Variants in MAP2K6 observed in about 807,000 individuals in gnomAD.
The protein encoded by MAP2K6 is dual specificity mitogen-activated protein kinase kinase 6.
In MAP2K6, 16 loss-of-function variants were observed where a neutral mutation model predicts 53.7. The ratio of observed to expected loss-of-function variants is 0.30; its 90% CI spans 0.20 to 0.45. The LOEUF (loss-of-function observed/expected upper bound fraction) is 0.45. Ranked by LOEUF, MAP2K6 falls within the 20% of genes least tolerant of loss-of-function variation. The pLI is 1.00. For missense variants in MAP2K6, 204 were observed against 411.9 expected, an observed-to-expected ratio of 0.50 and a Z score of 4.37; for synonymous variants, 132 against 143.1, an observed-to-expected ratio of 0.92 and a Z score of 0.55.
At chr17:69,490,710 A>AT (rs1005132994) in intron 1 of MAP2K6, among the ~76,000 whole-genome samples, 27 of 147,576 alleles carry the variant, frequency 1.8e-4, no homozygotes, top group Admixed American at 7.4e-4. Flanking sequence ...AAACCCCTGA[A>AT]TTTTTTTTTT....
At chr17:69,422,944 C>T (rs990903739) in intron 1 of MAP2K6, among the ~76,000 whole-genome samples, 5 of 152,136 alleles carry the variant, frequency 3.3e-5, no homozygotes, top group East Asian at 1.9e-4. Context: ...AGTGCAATGG[C>T]GCGATCTTGG....
At chr17:69,488,498 T>G (rs565448764) in intron 1 of MAP2K6, among the ~76,000 whole-genome samples, 2 of 152,144 alleles carry the variant, frequency 1.3e-5, no homozygotes, top group African/African-American at 4.8e-5. Context: ...CTATTCACAG[T>G]AGTAAAGACA....
intron 1 of MAP2K6, among the ~76,000 whole-genome samples, chr17:69,456,075 G>A (rs1023436747): frequency 6.6e-6 from 1 of 152,054 alleles, no homozygotes; most frequent in Admixed American, 6.6e-5. Flanking sequence ...TGGCCAGGCT[G>A]GTCTCGAACT....
intron 2 of MAP2K6, 75 bp from the exon 3 acceptor site, chr17:69,516,780 A>G: frequency 1.1e-6 from 1 of 915,226 alleles, no homozygotes; most frequent in Non-Finnish European, 1.6e-6. Context: ...AAATATCCTC[A>G]GTGGTGTGTG....
chr17:69,426,040 A>G (rs546796087), intron 1 of MAP2K6, among the ~76,000 whole-genome samples: 18 of 152,180 alleles, frequency 1.2e-4, no homozygotes, highest in Admixed American at 1.1e-3. Flanking sequence ...GTTTAGATCA[A>G]TTCAACAAAG....
intron 1 of MAP2K6, among the ~76,000 whole-genome samples, chr17:69,427,280 T>C (rs959220880): frequency 2.0e-5 from 3 of 152,172 alleles, no homozygotes; most frequent in African/African-American, 7.2e-5. Context: ...TCAAGTAAAA[T>C]AGTGTTCTGG....
At chr17:69,428,613 G>A (rs761172817) in intron 1 of MAP2K6, among the ~76,000 whole-genome samples, 2 of 152,140 alleles carry the variant, frequency 1.3e-5, no homozygotes, top group Non-Finnish European at 2.9e-5. Context: ...GGCAAACATG[G>A]TCAGCAAACT....
chr17:69,441,706 A>T (rs1906824359), intron 1 of MAP2K6, among the ~76,000 whole-genome samples: 1 of 152,154 alleles, frequency 6.6e-6, no homozygotes, highest in African/African-American at 2.4e-5. Flanking sequence ...TCCGATTCTT[A>T]CTTAATTCTT....
At chr17:69,537,256 T>C (rs763329953) in intron 11 of MAP2K6, among the ~76,000 whole-genome samples, 5 of 152,228 alleles carry the variant, frequency 3.3e-5, no homozygotes, top group Non-Finnish European at 7.3e-5. Context: ...GAGAAATATA[T>C]AAAATTCAGA....
At chr17:69,438,561 T>C (rs139792511) in intron 1 of MAP2K6, among the ~76,000 whole-genome samples, 1 of 152,196 alleles carries the variant, frequency 6.6e-6, no homozygotes, top group Non-Finnish European at 1.5e-5. Flanking sequence ...TTTTTGTACA[T>C]CCTCTGAGCT....
intron 1 of MAP2K6, among the ~76,000 whole-genome samples, chr17:69,469,091 G>C (rs745546192): frequency 2.6e-5 from 4 of 152,330 alleles, no homozygotes; most frequent in African/African-American, 4.8e-5. Context: ...CCACTTTCTT[G>C]TAATTGTGGA....
At chr17:69,513,310 G>A (rs950306325) in intron 2 of MAP2K6, among the ~76,000 whole-genome samples, 5 of 152,186 alleles carry the variant, frequency 3.3e-5, no homozygotes, top group African/African-American at 7.2e-5. Flanking sequence ...GATGGGAATC[G>A]CAAGAGCAGG....
At chr17:69,510,504 A>G (rs1235991448) in intron 2 of MAP2K6, among the ~76,000 whole-genome samples, 1 of 151,990 alleles carries the variant, frequency 6.6e-6, no homozygotes, top group Non-Finnish European at 1.5e-5. Flanking sequence ...TGTTGCTTCT[A>G]TTTTTTGGTA....
intron 1 of MAP2K6, among the ~76,000 whole-genome samples, chr17:69,431,700 C>A (rs1329988690): frequency 6.6e-6 from 1 of 152,190 alleles, no homozygotes; most frequent in African/African-American, 2.4e-5. Flanking sequence ...TGCAGGGTCC[C>A]TCATTCGGCT....
chr17:69,467,985 C>T (rs969991079), intron 1 of MAP2K6, among the ~76,000 whole-genome samples: 1 of 152,122 alleles, frequency 6.6e-6, no homozygotes, highest in Admixed American at 6.5e-5. Flanking sequence ...AGACTGGTCT[C>T]GAACTCCTGA....
At chr17:69,509,676 GA>G (rs1276214439) in intron 2 of MAP2K6, among the ~76,000 whole-genome samples, 5 of 152,106 alleles carry the variant, frequency 3.3e-5, no homozygotes, top group Non-Finnish European at 7.4e-5. Flanking sequence ...TAAAGTTCAT[GA>G]GAGCAGGCAA....
At chr17:69,488,634 A>G (rs567517065) in intron 1 of MAP2K6, among the ~76,000 whole-genome samples, 10 of 152,294 alleles carry the variant, frequency 6.6e-5, no homozygotes, top group African/African-American at 2.4e-4. Flanking sequence ...CATGGAGGCA[A>G]GCAAGTCAGT....
rs185527984 is a variant in MAP2K6 at position 69,516,935 on chromosome 17, G to A, written c.132+32G>A. 1.1e-3 allele frequency: 1,631 copies of A among 1,517,008 alleles called. 19 individuals are homozygous for A. Among genetic ancestry groups the A allele is most frequent in the Non-Finnish European group, 2.8e-4 (302 of 1,095,924 alleles). 94.0% of individuals were successfully genotyped at this position (1,517,008 alleles called of 1,614,324 possible). On this transcript the variant is annotated intron_variant, in intron 3 of 11. Transcript: ENST00000590474. ...AAAAATCATGTCTGCCACCTAATAC[G>A]TTGGCCATTTTATATGTATGCTTTC...
At chr17:69,517,349 T>C (rs1598304070) in intron 3 of MAP2K6, 151 bp from the exon 4 acceptor site, 1 of 478,332 alleles carries the variant, frequency 2.1e-6, no homozygotes, top group Middle Eastern at 5.7e-4. Flanking sequence ...TTGTAGCTTC[T>C]TGCTTTCAGA....
Sources: allele counts gnomAD v4.1 joint callset (sites outside exome capture counted in the v4.1 genomes callset), GRCh38; gene constraint gnomAD v4.1.1; transcripts MANE v1.5; gene names NCBI Gene and HGNC (gene_info 2026-07-23, HGNC 2026-07-21).